The following THEMIS variants were observed in gnomAD, a reference collection of about 807,000 sequenced individuals.
THEMIS encodes the protein thymocyte selection associated.
In THEMIS, 37 loss-of-function variants were observed where a neutral mutation model predicts 52.6. That is an observed-to-expected ratio of 0.70 (90% confidence interval 0.54 to 0.93). The LOEUF is 0.93. Among genes scored for constraint, THEMIS ranks in the 40% least tolerant of loss-of-function variants. THEMIS has a pLI of 0.00. For missense variants in THEMIS, 808 were observed against 763.1 expected (o/e 1.06, Z -0.69); for synonymous variants, 292 against 272.7 (o/e 1.07, Z -0.70).
At chr6:127,864,462 T>C (rs1043155849) in intron 1 of THEMIS, among the ~76,000 whole-genome samples, 1 of 152,122 alleles carries the variant, frequency 6.6e-6, no homozygotes, top group Non-Finnish European at 1.5e-5. Context: ...AATAAAATAA[T>C]CTTAGACTAT....
chr6:127,865,508 T>C (rs2114355480), intron 1 of THEMIS, among the ~76,000 whole-genome samples: 1 of 152,298 alleles, frequency 6.6e-6, no homozygotes, highest in African/African-American at 2.4e-5. Context: ...AAAAGATTAC[T>C]ACATATCCTC....
intron 4 of THEMIS, among the ~76,000 whole-genome samples, chr6:127,808,235 G>T (rs920992): frequency 0.06 from 9,145 of 152,198 alleles, 355 homozygotes; most frequent in African/African-American, 0.099. Context: ...TCTTGTTATA[G>T]ACCCTTTCAT....
chr6:127,792,513 A>T (rs746601144), intron 4 of THEMIS, among the ~76,000 whole-genome samples: 14 of 152,216 alleles, frequency 9.2e-5, no homozygotes, highest in Non-Finnish European at 1.8e-4. Flanking sequence ...TGATTTTAAA[A>T]TTTTGTAATA....
In THEMIS at chr6:127,708,981, A is replaced by G. The variant is rs1311710548; in HGVS notation, c.*1004T>C. 1 of 151,996 alleles carries G rather than the reference A, an allele frequency of 6.6e-6. No homozygotes were observed. The highest frequency in any genetic ancestry group is 1.5e-5 in the Non-Finnish European group (1 of 67,934). The allele number at this position is 151,996 out of a possible 1,614,324, so 9.4% of individuals were successfully genotyped here. On this transcript the variant is annotated 3_prime_UTR_variant, in exon 6 of 6. Transcript: ENST00000368248. ...ACTATTAAATTCCTATGTAACATTA[A>G]CCAGATAGCCTGTCTCTTCATTTTG...
chr6:127,858,682 T>C (rs1779697768), intron 1 of THEMIS, among the ~76,000 whole-genome samples: 1 of 152,142 alleles, frequency 6.6e-6, no homozygotes, highest in African/African-American at 2.4e-5. Flanking sequence ...GAAATATATC[T>C]GTGTATATAT....
chr6:127,901,192 G>T, upstream of THEMIS: 1 of 526,702 alleles, frequency 1.9e-6, no homozygotes, highest in Non-Finnish European at 3.4e-6. Context: ...AAGTTGAACA[G>T]GATGGGGGTG....
At position 127,813,611 on chromosome 6, in the gene THEMIS, G is replaced by C. The variant is rs1778016532; in HGVS notation, c.1030C>G (p.Arg344Gly). 3 of 1,613,906 alleles carry C rather than the reference G, an allele frequency of 1.9e-6. No homozygotes were observed. Among genetic ancestry groups the C allele is most frequent in the Non-Finnish European group, 8.5e-7 (1 of 1,180,002 alleles). The change falls in exon 4 of 6, where the codon CGG becomes GGG. Residue 344 changes from arginine (R) to glycine (G), a missense_variant. Transcript: ENST00000368248. ...IPTSYKGKFKRRPREFPTAYD... is the reference protein window; with the variant it reads ...IPTSYKGKFKGRPREFPTAYD... ...GCCGTTGGGAACTCCCTCGGTCGCC[G>C]CTTGAACTTGCCTTTATAGCTAGTG...
Position 127,848,459 on chromosome 6 carries a change from C to T in THEMIS, c.250+6571G>A, listed in dbSNP as rs190246151. Among the ~76,000 whole-genome samples the T allele has an allele frequency of 5.6e-4, 85 of 151,822 alleles. 1 individual carries two copies. The Middle Eastern group carries it at 0.017, about 31-fold the overall frequency. The stretch of plus-strand genomic sequence containing the variant: ...ATACCCAGTAATGAGATGGCTGGGT[C>T]AAATGGTATTTCTAGTTCTAGATCC... On this transcript the variant is annotated intron_variant, in intron 2 of 5. Coordinates refer to ENST00000368248, the MANE Select transcript of THEMIS (RefSeq NM_001010923.3).
chr6:127,736,502 C>T (rs1443688447), intron 4 of THEMIS, among the ~76,000 whole-genome samples: 2 of 151,992 alleles, frequency 1.3e-5, no homozygotes, highest in Non-Finnish European at 2.9e-5. Context: ...AGATCTAGCC[C>T]CCGGATCACA....
intron 4 of THEMIS, among the ~76,000 whole-genome samples, chr6:127,789,505 C>A (rs1353100639): frequency 6.6e-6 from 1 of 152,104 alleles, no homozygotes; most frequent in African/African-American, 2.4e-5. Context: ...AAAAGAGGGA[C>A]TTCTTCCTAA....
chr6:127,794,946 A>C (rs1188686946), intron 4 of THEMIS, among the ~76,000 whole-genome samples: 1 of 152,214 alleles, frequency 6.6e-6, no homozygotes, highest in Non-Finnish European at 1.5e-5. Context: ...ACACAAAAAA[A>C]CAGTATGTAA....
rs1220613756 is a variant in THEMIS, at chr6:127,747,396, T to C, written c.1759-27573A>G. 2.0e-5 allele frequency among the ~76,000 whole-genome samples: 3 copies of C among 146,348 alleles called. No individual in the cohort carries two copies. In the East Asian group the frequency reaches 6.0e-4, roughly 29 times the overall value. On this transcript the variant is annotated intron_variant, in intron 4 of 5. Transcript: ENST00000368248. ...ATATTATATATTATAGATATAGATT[T>C]ATCATATATTATAGATGTAGATATG...
chr6:127,818,594 A>C (rs1477076972), intron 3 of THEMIS, among the ~76,000 whole-genome samples: 2 of 151,998 alleles, frequency 1.3e-5, no homozygotes, highest in Non-Finnish European at 2.9e-5. Context: ...AAAAAAAAAA[A>C]AAACTACAAC....
intron 1 of THEMIS, among the ~76,000 whole-genome samples, chr6:127,857,821 T>C (rs1779668750): frequency 6.6e-6 from 1 of 151,998 alleles, no homozygotes; most frequent in African/African-American, 2.4e-5. Context: ...ATAGTCTCTG[T>C]TTGAAATTGT....
At position 127,794,327 on chromosome 6, in the gene THEMIS, G is replaced by A. The variant is rs141346874; in HGVS notation, c.1758+18556C>T. Among the ~76,000 whole-genome samples, 21 of 152,236 alleles carry A rather than the reference G, an allele frequency of 1.4e-4. No individual in the cohort carries two copies. The East Asian group carries it at 4.1e-3, about 29-fold the overall frequency. ...CCCTTTAAGATGTAAGTCAGTTTAT[G>A]TCATTTCTCCACTCAATTCTCTAAT... On this transcript the variant is annotated intron_variant, in intron 4 of 5. Transcript: ENST00000368248.
chr6:127,886,450 C>G (rs1459837919), intron 1 of THEMIS, among the ~76,000 whole-genome samples: 1 of 152,072 alleles, frequency 6.6e-6, no homozygotes, highest in African/African-American at 2.4e-5. Flanking sequence ...GTCCTTGAAG[C>G]ATAAAAGTGT....
At chr6:127,877,525 T>C (rs1780350339) in intron 1 of THEMIS, among the ~76,000 whole-genome samples, 1 of 152,110 alleles carries the variant, frequency 6.6e-6, no homozygotes, top group South Asian at 2.1e-4. Context: ...CTAATTTCGA[T>C]ATTGTTGTGT....
chr6:127,820,016 G>A (rs1439666391), intron 3 of THEMIS, among the ~76,000 whole-genome samples: 1 of 152,136 alleles, frequency 6.6e-6, no homozygotes, highest in East Asian at 1.9e-4. Context: ...TAAGAGAGAG[G>A]AGGGAGGAAT....
At chr6:127,839,372 T>C (rs1432371611) in intron 2 of THEMIS, among the ~76,000 whole-genome samples, 1 of 152,174 alleles carries the variant, frequency 6.6e-6, no homozygotes. Context: ...AATATATTCC[T>C]TTATGTACAT....
Sources: gnomAD v4.1 joint callset for allele counts (sites outside exome capture counted in the v4.1 genomes callset) on GRCh38, gnomAD v4.1.1 for gene constraint, MANE v1.5 for transcripts, NCBI Gene and HGNC (gene_info 2026-07-23, HGNC 2026-07-21) for gene names.